The following MAP3K15 variants were observed in gnomAD, a reference collection of about 807,000 sequenced individuals.
MAP3K15 encodes mitogen-activated protein kinase kinase kinase 15.
In MAP3K15, 124 loss-of-function variants were observed where a neutral mutation model predicts 99.5. That is an observed-to-expected ratio of 1.25 (90% CI 1.08 to 1.45). The LOEUF (loss-of-function observed/expected upper bound fraction) is 1.45, where lower values mean the gene tolerates loss of function less well. Among genes scored for constraint, MAP3K15 ranks in the 40% most tolerant of loss-of-function variants. The pLI, the probability that MAP3K15 is intolerant of heterozygous loss-of-function variation, is 0.00. For synonymous variants in MAP3K15, 494 were observed against 439.6 expected (o/e 1.12, Z -1.55); for missense variants, 1,242 against 1,079.7 (o/e 1.15, Z -2.11).
At chrX:19,451,408 T>C (rs749025806) in intron 6 of MAP3K15, among the ~76,000 whole-genome samples, 1 of 105,922 alleles carries the variant, frequency 9.4e-6, no homozygotes, top group Admixed American at 1.0e-4. Flanking sequence ...TTACAAATTG[T>C]ATATTTGATC....
At chrX:19,434,484 C>G (rs189545910) in intron 6 of MAP3K15, among the ~76,000 whole-genome samples, 197 of 109,597 alleles carry the variant, frequency 1.8e-3, no homozygotes, top group Non-Finnish European at 3.0e-3. Context: ...GTGATCCACC[C>G]GCCTCGGCCT....
chrX:19,472,106 C>T (rs1323117029), intron 3 of MAP3K15, among the ~76,000 whole-genome samples: 2 of 109,747 alleles, frequency 1.8e-5, no homozygotes, highest in East Asian at 5.6e-4. Flanking sequence ...CTCCTGTAGT[C>T]CCAGCTACTC....
intron 9 of MAP3K15, among the ~76,000 whole-genome samples, chrX:19,419,688 C>T (rs919307512): frequency 4.5e-5 from 5 of 111,503 alleles, no homozygotes; most frequent in African/African-American, 1.6e-4. Context: ...ACCAAGCAGA[C>T]CTAATAGACA....
chrX:19,374,390 G>A, intron 20 of MAP3K15, 87 bp downstream of exon 20: 3 of 933,263 alleles, frequency 3.2e-6, no homozygotes, highest in Non-Finnish European at 4.5e-6. Context: ...TGGATAGCCA[G>A]AACTCTCCCT....
intron 13 of MAP3K15, among the ~76,000 whole-genome samples, chrX:19,404,446 C>T (rs1347799956): frequency 8.9e-6 from 1 of 111,795 alleles, no homozygotes; most frequent in Non-Finnish European, 1.9e-5. Context: ...AGATATCCAA[C>T]GTATTCCCTG....
intron 6 of MAP3K15, among the ~76,000 whole-genome samples, chrX:19,451,145 C>T (rs891345724): frequency 3.7e-5 from 4 of 107,337 alleles, no homozygotes; most frequent in South Asian, 4.2e-4. Context: ...AATTAGCTGG[C>T]GTGGTGGTGG....
chrX:19,389,301 T>TAA (rs34025622), intron 18 of MAP3K15, among the ~76,000 whole-genome samples: 1,589 of 62,820 alleles, frequency 0.025, 23 homozygotes, highest in Non-Finnish European at 0.041. Flanking sequence ...ATAAGGCTGC[T>TAA]AAAAAAAAAA....
Position 19,505,695 on chromosome X carries a change from G to T in MAP3K15, c.361+9206C>A, listed in dbSNP as rs759882670. On this transcript the variant is annotated intron_variant, in intron 1 of 28. Coordinates refer to ENST00000338883, the MANE Select transcript of MAP3K15 (RefSeq NM_001001671.4). ...AGTCTACATAGACTCAAAGGATGCT[G>T]GGAAATGCAGTCCTTGGTTCTCAGC... Among the ~76,000 whole-genome samples, 3 of 110,839 alleles carry T rather than the reference G, an allele frequency of 2.7e-5. No individual in the cohort carries two copies. The South Asian group carries it at 1.2e-3, about 43-fold the overall frequency.
rs774477994 is a variant in MAP3K15, at chrX:19,362,801, G to A, written c.3616C>T (p.Arg1206Trp). 32 of 1,189,632 alleles carry A rather than the reference G, an allele frequency of 2.7e-5. No homozygotes were observed. The highest frequency in any genetic ancestry group is 2.4e-4 in the Middle Eastern group (1 of 4,123). ...TGAGTTTTCTGTTCTAGAGTTTGCC[G>A]CAGAAGATTCTGGTACTCTCTCTCT... ...EKEREYQNLL[R>W]QTLEQKTQEL... The change falls in exon 26 of 29, where the codon CGG (arginine) becomes TGG (tryptophan). Residue 1206 changes from arginine (R) to tryptophan (W), a missense_variant. Physicochemically the swap from Arg to Trp is moderately radical, Grantham distance 101. Transcript: ENST00000338883.
chrX:19,494,362 C>T (rs1190978820), intron 1 of MAP3K15, among the ~76,000 whole-genome samples: 1 of 111,293 alleles, frequency 9.0e-6, no homozygotes, highest in Non-Finnish European at 1.9e-5. Flanking sequence ...GCCAAGGTTC[C>T]AGTTGAAATC....
Position 19,464,307 on chromosome X carries a change from T to G in MAP3K15, c.625A>C (p.Met209Leu), listed in dbSNP as rs776183951. 8.3e-6 allele frequency: 10 copies of G among 1,199,929 alleles called. No homozygotes were observed. The Admixed American group carries it at 2.2e-4, about 26-fold the overall frequency. Residue 209 changes from methionine (M) to leucine (L), a missense_variant, in exon 4 of 29, where the codon ATG becomes CTG. By Grantham distance (15) the Met-to-Leu change is conservative (BLOSUM62 2). Transcript: ENST00000338883. ...SDAQRRASEY[M>L]QPNWDNILGP... Reference sequence around the variant, plus strand: ...AGGATGTTGTCCCAGTTGGGCTGCATGTACTCGGAGGCTCGTCTCTGGGCA... The same window carrying G: ...AGGATGTTGTCCCAGTTGGGCTGCAGGTACTCGGAGGCTCGTCTCTGGGCA...
At chrX:19,441,469 T>G (rs1367067658) in intron 6 of MAP3K15, among the ~76,000 whole-genome samples, 1 of 111,312 alleles carries the variant, frequency 9.0e-6, no homozygotes, top group Non-Finnish European at 1.9e-5. Flanking sequence ...TTGTACACTT[T>G]AAATGGGTTG....
chrX:19,362,517 G>A (rs1478838572), intron 26 of MAP3K15, among the ~76,000 whole-genome samples: 1 of 110,938 alleles, frequency 9.0e-6, no homozygotes, highest in African/African-American at 3.3e-5. Context: ...TTACAGGCAC[G>A]AGCTACGGTG....
Position 19,407,342 on chromosome X carries a change from C to T in MAP3K15, c.1749-59G>A, listed in dbSNP as rs905351418. 29 of 622,831 alleles carry T rather than the reference C, an allele frequency of 4.7e-5. No homozygotes were observed. In the African/African-American group the frequency reaches 6.7e-4, roughly 14 times the overall value. The allele number at this position is 622,831 out of a possible 1,213,427, so 51.3% of individuals were successfully genotyped here. A position where few individuals can be genotyped will look rare whatever the true frequency, so the allele number is the denominator to read the frequency against. On this transcript the variant is annotated intron_variant, in intron 12 of 28. Coordinates refer to ENST00000338883, the MANE Select transcript of MAP3K15 (RefSeq NM_001001671.4). ...AGTTATGATACCCACTCTAAATCTGCAAGACAATCTTTTCTTCTATTTTAT... is the reference window on the plus strand; with the variant it reads ...AGTTATGATACCCACTCTAAATCTGTAAGACAATCTTTTCTTCTATTTTAT...
intron 1 of MAP3K15, among the ~76,000 whole-genome samples, chrX:19,503,315 A>T (rs1665619111): frequency 8.9e-6 from 1 of 112,290 alleles, no homozygotes; most frequent in South Asian, 3.7e-4. Flanking sequence ...GCTGTATCAG[A>T]GGGCTGCCTG....
At chrX:19,498,569 G>C (rs1336050083) in intron 1 of MAP3K15, among the ~76,000 whole-genome samples, 1 of 112,083 alleles carries the variant, frequency 8.9e-6, no homozygotes, top group Admixed American at 9.5e-5. Flanking sequence ...TTCATTATAG[G>C]TCTCTGGTGG....
At chrX:19,489,051 A>AAG in intron 1 of MAP3K15, 84 bp from the exon 2 acceptor site, 1 of 867,158 alleles carries the variant, frequency 1.2e-6, no homozygotes, top group Non-Finnish European at 1.6e-6. Context: ...GTGAGGAGCT[A>AAG]TAGCAATGTG....
rs191152094 is a variant in MAP3K15, at chrX:19,393,175, C to T, written c.2195-702G>A. Reference sequence around the variant, plus strand: ...GGGATGTCCTGTCCATTGGCAGGAACGGGCCCTCAGACATCGGCTGGTCTC... The same window carrying T: ...GGGATGTCCTGTCCATTGGCAGGAATGGGCCCTCAGACATCGGCTGGTCTC... On this transcript the variant is annotated intron_variant, in intron 16 of 28. Coordinates refer to ENST00000338883, the MANE Select transcript of MAP3K15 (RefSeq NM_001001671.4). 1.3e-3 allele frequency among the ~76,000 whole-genome samples: 146 copies of T among 111,813 alleles called. 1 individual carries two copies. The highest frequency in any genetic ancestry group is 4.5e-3 in the African/African-American group (138 of 30,830).
At chrX:19,481,103 G>A (rs1475680614) in intron 3 of MAP3K15, among the ~76,000 whole-genome samples, 19 of 64,686 alleles carry the variant, frequency 2.9e-4, no homozygotes, top group Admixed American at 7.0e-4. Flanking sequence ...GTGACAGAGC[G>A]AGAACTTGTC....
Sources: allele counts gnomAD v4.1 joint callset (sites outside exome capture counted in the v4.1 genomes callset), GRCh38; gene constraint gnomAD v4.1.1; transcripts MANE v1.5; gene names NCBI Gene and HGNC (gene_info 2026-07-23, HGNC 2026-07-21).